The following PCGF5 variants were observed in gnomAD, a reference collection of about 807,000 sequenced individuals.
PCGF5 encodes polycomb group RING finger protein 5.
A neutral mutation model predicts 44.3 loss-of-function variants in PCGF5; 9 were observed. That is an observed-to-expected ratio of 0.20 (90% CI 0.12 to 0.35). PCGF5 has a LOEUF of 0.35. PCGF5 is among the 10% of genes least tolerant of loss of function. The pLI is 1.00. For synonymous variants in PCGF5, 95 were observed against 102.5 expected, an observed-to-expected ratio of 0.93 and a Z score of 0.44; for missense variants, 146 against 305.3, an observed-to-expected ratio of 0.48 and a Z score of 3.89.
intron 1 of PCGF5, among the ~76,000 whole-genome samples, chr10:91,205,289 G>GGACA (rs1844325672): frequency 9.6e-6 from 1 of 103,814 alleles, no homozygotes; most frequent in South Asian, 3.3e-4. Flanking sequence ...CTAAATGACT[G>GGACA]GACACACACA....
At chr10:91,188,373 C>T (rs1321648127) in intron 1 of PCGF5, among the ~76,000 whole-genome samples, 1 of 152,126 alleles carries the variant, frequency 6.6e-6, no homozygotes, top group Non-Finnish European at 1.5e-5. Context: ...AAATCATAGG[C>T]TTTAGTTCAG....
intron 1 of PCGF5, among the ~76,000 whole-genome samples, chr10:91,197,993 C>A (rs1844173824): frequency 6.6e-6 from 1 of 152,044 alleles, no homozygotes. Flanking sequence ...GAAGTGAATC[C>A]ACATCAGTGA....
chr10:91,161,329 T>C (rs1488932527), upstream of PCGF5, among the ~76,000 whole-genome samples: 1 of 152,220 alleles, frequency 6.6e-6, no homozygotes, highest in Non-Finnish European at 1.5e-5. Context: ...TTTCGCTGGA[T>C]TCACTTGCAG....
intron 9 of PCGF5, 35 bp from the exon 10 acceptor site, chr10:91,278,234 T>C (rs554999639): frequency 6.6e-7 from 1 of 1,510,248 alleles, no homozygotes; most frequent in Non-Finnish European, 9.2e-7. Flanking sequence ...TTTATCCAAA[T>C]ACAGTCTTAT....
intron 5 of PCGF5, 84 bp downstream of exon 5, chr10:91,248,808 C>A: frequency 8.7e-7 from 1 of 1,147,428 alleles, no homozygotes; most frequent in Non-Finnish European, 1.3e-6. Context: ...TATGTCTCTT[C>A]AGGCTCACAT....
intron 2 of PCGF5, among the ~76,000 whole-genome samples, chr10:91,233,095 A>G (rs1369627485): frequency 6.6e-6 from 1 of 152,198 alleles, no homozygotes; most frequent in African/African-American, 2.4e-5. Context: ...GAGTCGAAGT[A>G]CAAAAGAGTG....
At chr10:91,223,400 G>C (rs1214661990) in intron 2 of PCGF5, among the ~76,000 whole-genome samples, 1 of 152,076 alleles carries the variant, frequency 6.6e-6, no homozygotes, top group African/African-American at 2.4e-5. Flanking sequence ...CAAGTTCTAG[G>C]AACTTGTTAG....
At chr10:91,195,437 C>T (rs974383929) in intron 1 of PCGF5, among the ~76,000 whole-genome samples, 22 of 146,384 alleles carry the variant, frequency 1.5e-4, no homozygotes, top group African/African-American at 5.8e-4. Flanking sequence ...GAATATAAAT[C>T]ATATGTATAT....
At chr10:91,269,077 C>T (rs1182255928) in intron 8 of PCGF5, among the ~76,000 whole-genome samples, 2 of 152,154 alleles carry the variant, frequency 1.3e-5, no homozygotes, top group Non-Finnish European at 2.9e-5. Context: ...CAGATTCTGA[C>T]TCAGTAGGTC....
intron 9 of PCGF5, among the ~76,000 whole-genome samples, chr10:91,273,323 G>A (rs965300101): frequency 6.6e-6 from 1 of 152,188 alleles, no homozygotes; most frequent in African/African-American, 2.4e-5. Context: ...AACACTGCCT[G>A]TAGCTATAAC....
At chr10:91,235,663 G>A (rs1845139743) in intron 2 of PCGF5, among the ~76,000 whole-genome samples, 1 of 152,150 alleles carries the variant, frequency 6.6e-6, no homozygotes, top group Admixed American at 6.5e-5. Flanking sequence ...CCAGTGGGAG[G>A]TAATTGAATC....
At chr10:91,238,625 T>TTTTTTTTTTTTTTTA in intron 2 of PCGF5, among the ~76,000 whole-genome samples, 1 of 123,308 alleles carries the variant, frequency 8.1e-6, no homozygotes, top group Non-Finnish European at 1.7e-5. Flanking sequence ...TTTTTTTTTT[T>TTTTTTTTTTTTTTTA]TTTTTTGCCT....
chr10:91,279,817 A>G lies in PCGF5; in HGVS notation c.*1501A>G, dbSNP rs1430970932. 6.6e-6 allele frequency: 1 copy of G among 152,120 alleles called. No homozygotes were observed. Among genetic ancestry groups the G allele is most frequent in the Non-Finnish European group, 1.5e-5 (1 of 67,958 alleles). The allele number at this position is 152,120 out of a possible 1,614,324, so 9.4% of individuals were successfully genotyped here. A position where few individuals can be genotyped will look rare whatever the true frequency, so the allele number is the denominator to read the frequency against. The stretch of plus-strand genomic sequence containing the variant: ...TAAATGTGTCACATTTTCCAGTAAA[A>G]TGTATCAGAAATCAATGCCTTCTGA... On this transcript the variant is annotated 3_prime_UTR_variant, in exon 10 of 10. Transcript: ENST00000336126.
chr10:91,193,225 G>A (rs73310412), intron 1 of PCGF5, among the ~76,000 whole-genome samples: 6,966 of 152,222 alleles, frequency 0.046, 473 homozygotes, highest in African/African-American at 0.15. Context: ...ACCCAAAGGA[G>A]CTTGGAAGGA....
chr10:91,198,427 CA>C (rs1348202924), intron 1 of PCGF5, among the ~76,000 whole-genome samples: 1 of 152,148 alleles, frequency 6.6e-6, no homozygotes, highest in Non-Finnish European at 1.5e-5. Flanking sequence ...ACCCAGATGC[CA>C]TCTTCTCACT....
At chr10:91,238,601 C>CTTTTTTTTTTTTTTTTTTTTTTTTT (rs71487496) in intron 2 of PCGF5, among the ~76,000 whole-genome samples, 10 of 58,486 alleles carry the variant, frequency 1.7e-4, no homozygotes, top group East Asian at 5.1e-4. Flanking sequence ...TTCTTTCTTT[C>CTTTTTTTTTTTTTTTTTTTTTTTTT]TTTTTTTTTT....
In PCGF5 at chr10:91,205,947, G is replaced by A. The variant is rs561762700; in HGVS notation, c.-183-16742G>A. Reference sequence around the variant, plus strand: ...TGAGGTGGGAGAATTGCTTGAACCCGGGAGGCACAGGTTTCAGTGAGCTGA... The same window carrying A: ...TGAGGTGGGAGAATTGCTTGAACCCAGGAGGCACAGGTTTCAGTGAGCTGA... On this transcript the variant is annotated intron_variant, in intron 1 of 9. Transcript: ENST00000614189. Among the ~76,000 whole-genome samples the A allele has an allele frequency of 3.9e-5, 6 of 152,152 alleles. No individual in the cohort carries two copies. The East Asian group carries it at 5.8e-4, about 15-fold the overall frequency.
intron 7 of PCGF5, among the ~76,000 whole-genome samples, chr10:91,263,612 G>A (rs934193483): frequency 3.3e-5 from 5 of 152,180 alleles, no homozygotes; most frequent in Admixed American, 6.5e-5. Context: ...TGTAGGGATC[G>A]ATGATAAACA....
At chr10:91,195,181 G>T (rs1282356099) in intron 1 of PCGF5, among the ~76,000 whole-genome samples, 2 of 151,920 alleles carry the variant, frequency 1.3e-5, no homozygotes, top group Non-Finnish European at 2.9e-5. Context: ...ATTGCCTGCA[G>T]CATTAAAGGC....
Sources: allele counts gnomAD v4.1 joint callset (sites outside exome capture counted in the v4.1 genomes callset), GRCh38; gene constraint gnomAD v4.1.1; transcripts MANE v1.5; gene names NCBI Gene and HGNC (gene_info 2026-07-23, HGNC 2026-07-21).